The following SLC13A1 variants were observed in gnomAD, a reference collection of about 807,000 sequenced individuals.
The protein encoded by SLC13A1 is solute carrier family 13 member 1.
A neutral mutation model predicts 70.0 loss-of-function variants in SLC13A1; 65 were observed. The ratio of observed to expected loss-of-function variants is 0.93; its 90% confidence interval spans 0.76 to 1.14. SLC13A1 has a LOEUF of 1.14. Among genes scored for constraint, SLC13A1 ranks in the 50% most tolerant of loss-of-function variants. The probability of loss-of-function intolerance (pLI) is 0.00; values close to 1 mark genes in which losing one functional copy is unlikely to be tolerated. For synonymous variants in SLC13A1, 275 were observed against 250.5 expected (o/e 1.10, Z -0.92); for missense variants, 726 against 717.8 (o/e 1.01, Z -0.13).
At chr7:123,177,580 T>G (rs993267732) in intron 2 of SLC13A1, among the ~76,000 whole-genome samples, 1 of 152,108 alleles carries the variant, frequency 6.6e-6, no homozygotes, top group Non-Finnish European at 1.5e-5. Flanking sequence ...ATTCTCCTTT[T>G]TAGTTACTCT....
At chr7:123,117,840 G>C (rs1441435009) in intron 13 of SLC13A1, among the ~76,000 whole-genome samples, 1 of 151,698 alleles carries the variant, frequency 6.6e-6, no homozygotes, top group Non-Finnish European at 1.5e-5. Context: ...AGTTCATTTA[G>C]AAAATAAAAT....
intron 6 of SLC13A1, among the ~76,000 whole-genome samples, chr7:123,160,190 G>A (rs1247553684): frequency 2.0e-5 from 3 of 150,784 alleles, no homozygotes; most frequent in African/African-American, 7.3e-5. Context: ...AGAATCGCTT[G>A]AACCCAGGAG....
At chr7:123,198,780 A>G (rs777735656) in intron 1 of SLC13A1, among the ~76,000 whole-genome samples, 5 of 152,016 alleles carry the variant, frequency 3.3e-5, no homozygotes, top group Non-Finnish European at 7.4e-5. Flanking sequence ...TACTTGTTAG[A>G]GGAGAGCATC....
chr7:123,147,010 G>T (rs942893944), intron 7 of SLC13A1, 149 bp downstream of exon 7: 3 of 718,742 alleles, frequency 4.2e-6, no homozygotes, highest in Non-Finnish European at 6.7e-6. Context: ...TATAAAGGAA[G>T]GTCTGTAGAT....
At chr7:123,191,501 A>G (rs1444080330) in intron 1 of SLC13A1, among the ~76,000 whole-genome samples, 3 of 152,168 alleles carry the variant, frequency 2.0e-5, no homozygotes, top group Non-Finnish European at 4.4e-5. Context: ...CAATGGAGAA[A>G]GAGCTTGGGA....
At chr7:123,152,501 A>T (rs1055310115) in intron 6 of SLC13A1, among the ~76,000 whole-genome samples, 1 of 152,086 alleles carries the variant, frequency 6.6e-6, no homozygotes, top group Non-Finnish European at 1.5e-5. Context: ...CTTCTCCAGG[A>T]TGAACAGAAG....
At chr7:123,190,467 G>T (rs1285769232) in intron 1 of SLC13A1, 3 of 438,236 alleles carry the variant, frequency 6.8e-6, no homozygotes, top group Non-Finnish European at 1.4e-5. Context: ...CCTGGGCTGA[G>T]TACAAGCATA....
chr7:123,178,033 C>CTCTCTCTCTCTATATATA (rs761704605), intron 2 of SLC13A1, among the ~76,000 whole-genome samples: 1 of 149,958 alleles, frequency 6.7e-6, no homozygotes, highest in African/African-American at 2.5e-5. Flanking sequence ...CTCTCTCTCT[C>CTCTCTCTCTCTATATATA]TATATATATA....
At chr7:123,188,337 G>T (rs185628881) in intron 1 of SLC13A1, among the ~76,000 whole-genome samples, 1 of 152,024 alleles carries the variant, frequency 6.6e-6, no homozygotes, top group African/African-American at 2.4e-5. Context: ...ACCCAGTCTC[G>T]GGCAGTTCTT....
At chr7:123,127,767 A>G (rs1793607891) in intron 10 of SLC13A1, among the ~76,000 whole-genome samples, 1 of 151,652 alleles carries the variant, frequency 6.6e-6, no homozygotes, top group South Asian at 2.1e-4. Flanking sequence ...TCAGGGAGGG[A>G]AGAATTTCTT....
intron 8 of SLC13A1, among the ~76,000 whole-genome samples, chr7:123,133,941 A>G (rs1039640304): frequency 6.6e-6 from 1 of 152,094 alleles, no homozygotes; most frequent in Admixed American, 6.6e-5. Context: ...AAGCTCAAGC[A>G]ATCCTTCCAC....
intron 9 of SLC13A1, 76 bp downstream of exon 9, chr7:123,129,307 C>A: frequency 8.3e-7 from 1 of 1,207,680 alleles, no homozygotes; most frequent in African/African-American, 1.6e-5. Flanking sequence ...GCAGTGTAAA[C>A]AGCATTTCTC....
At chr7:123,158,323 G>A (rs917204280) in intron 6 of SLC13A1, among the ~76,000 whole-genome samples, 2 of 151,798 alleles carry the variant, frequency 1.3e-5, no homozygotes, top group Non-Finnish European at 2.9e-5. Context: ...GACAAATAGA[G>A]TTTACATAAA....
chr7:123,129,459 C>G lies in SLC13A1; in HGVS notation c.955G>C (p.Gly319Arg). ...GFNFKEMFKC[G>R]KTKTVQQKAC... is the part of the protein sequence containing the mutation. Reference sequence around the variant, plus strand: ...TTTTGTTGGACTGTTTTGGTTTTGCCACATTTGAACATCTCCTTAAAACTG... The same window carrying G: ...TTTTGTTGGACTGTTTTGGTTTTGCGACATTTGAACATCTCCTTAAAACTG... Residue 319 changes from glycine (G) to arginine (R), a missense_variant, in exon 9 of 15, where the codon GGC (glycine) becomes CGC (arginine). Physicochemically the swap from Gly to Arg is moderately radical, Grantham distance 125. Coordinates refer to ENST00000194130, the MANE Select transcript of SLC13A1 (RefSeq NM_022444.4). The G allele has an allele frequency of 6.2e-7, 1 of 1,612,474 alleles. No homozygotes were observed.
intron 6 of SLC13A1, among the ~76,000 whole-genome samples, chr7:123,157,570 A>C (rs1357627858): frequency 6.6e-6 from 1 of 152,060 alleles, no homozygotes; most frequent in Non-Finnish European, 1.5e-5. Flanking sequence ...AGGAAAAAGC[A>C]TATGTGTATG....
chr7:123,188,471 G>A lies in SLC13A1; in HGVS notation c.100-7370C>T, dbSNP rs144537704. Among the ~76,000 whole-genome samples, 1,463 of 152,262 alleles carry A rather than the reference G, an allele frequency of 9.6e-3. 24 individuals are homozygous for A. Among genetic ancestry groups the A allele is most frequent in the African/African-American group, 0.033 (1,363 of 41,536 alleles). On this transcript the variant is annotated intron_variant, in intron 1 of 14. Transcript: ENST00000194130. ...ATGGGATTAATTTATTCATTTGACA[G>A]TCTGATGGTATGAAAAAATCTTCTT...
chr7:123,171,971 C>A, intron 2 of SLC13A1, 67 bp from the exon 3 acceptor site: 1 of 1,427,426 alleles, frequency 7.0e-7, no homozygotes, highest in South Asian at 1.2e-5. Flanking sequence ...ACAAGAAAGA[C>A]ATTATTATGC....
chr7:123,156,837 A>G (rs960227108), intron 6 of SLC13A1, among the ~76,000 whole-genome samples: 2 of 152,052 alleles, frequency 1.3e-5, no homozygotes, highest in Admixed American at 6.6e-5. Flanking sequence ...GGGCAAACCT[A>G]TCCCTTCAGA....
At chr7:123,144,607 G>A (rs1794286307) in intron 7 of SLC13A1, among the ~76,000 whole-genome samples, 1 of 152,058 alleles carries the variant, frequency 6.6e-6, no homozygotes. Context: ...CAGGTAAAAA[G>A]AGAAAATGCC....
Sources: allele counts gnomAD v4.1 joint callset (sites outside exome capture counted in the v4.1 genomes callset), GRCh38; gene constraint gnomAD v4.1.1; transcripts MANE v1.5; gene names NCBI Gene and HGNC (gene_info 2026-07-23, HGNC 2026-07-21).